Variants in ADGRD1 observed in about 807,000 individuals in gnomAD.
ADGRD1 encodes adhesion G protein-coupled receptor D1.
In ADGRD1, 77 loss-of-function variants were observed where a neutral mutation model predicts 113.4. The ratio of observed to expected loss-of-function variants is 0.68; its 90% CI spans 0.57 to 0.82. The LOEUF (loss-of-function observed/expected upper bound fraction) is 0.82, where lower values mean the gene tolerates loss of function less well. Among genes scored for constraint, ADGRD1 ranks in the 40% least tolerant of loss-of-function variants. The pLI is 0.00. For synonymous variants in ADGRD1, 474 were observed against 475.0 expected (o/e 1.00, Z 0.03); for missense variants, 1,036 against 1,139.1 (o/e 0.91, Z 1.30).
chr12:131,091,762 G>A (rs1384180912), intron 15 of ADGRD1: 1 of 152,260 alleles, frequency 6.6e-6, no homozygotes, highest in Non-Finnish European at 1.5e-5. Context: ...AGAAAGGACT[G>A]TAAACACCAG....
chr12:131,139,395 C>A lies in ADGRD1; in HGVS notation c.*132C>A. ...CATGGGTGTTGTGGCCCCGAGACAG[C>A]TGTCCTCCCCTGTGACTCTGGCTGT... is the stretch of plus-strand genomic sequence containing the variant. On this transcript the variant is annotated 3_prime_UTR_variant, in exon 25 of 25. Coordinates refer to ENST00000261654, the MANE Select transcript of ADGRD1 (RefSeq NM_198827.5). 2 of 649,842 alleles carry A rather than the reference C, an allele frequency of 3.1e-6. No individual in the cohort carries two copies. Among genetic ancestry groups the A allele is most frequent in the Admixed American group, 2.3e-5 (1 of 43,804 alleles). The allele number at this position is 649,842 out of a possible 1,614,324, so 40.3% of individuals were successfully genotyped here. A position where few individuals can be genotyped will look rare whatever the true frequency, so the allele number is the denominator to read the frequency against.
At chr12:131,088,279 T>C (rs1886639373) in intron 15 of ADGRD1, among the ~76,000 whole-genome samples, 1 of 152,182 alleles carries the variant, frequency 6.6e-6, no homozygotes, top group South Asian at 2.1e-4. Context: ...GAGCCTGGGC[T>C]GTTTAGGTAG....
intron 13 of ADGRD1, among the ~76,000 whole-genome samples, chr12:131,063,109 ATTCT>A (rs1399350616): frequency 2.6e-5 from 4 of 152,176 alleles, no homozygotes; most frequent in South Asian, 2.1e-4. Context: ...AATTTTAAGA[ATTCT>A]TTCTATTTTA....
intron 3 of ADGRD1, chr12:130,968,026 T>A (rs932659830): frequency 6.6e-6 from 1 of 152,208 alleles, no homozygotes; most frequent in African/African-American, 2.4e-5. Flanking sequence ...TTTCACCAAG[T>A]GGAAATGCCT....
chr12:131,092,882 CTT>C (rs71451397), intron 15 of ADGRD1, among the ~76,000 whole-genome samples: 14 of 143,528 alleles, frequency 9.8e-5, no homozygotes, highest in Admixed American at 1.4e-4. Flanking sequence ...TTTGGGATTT[CTT>C]TTTTTTTTTT....
At chr12:131,021,289 C>CGG (rs1879285562) in intron 13 of ADGRD1, among the ~76,000 whole-genome samples, 1 of 152,072 alleles carries the variant, frequency 6.6e-6, no homozygotes. Flanking sequence ...GGTCTCATCT[C>CGG]GGCTGGCACA....
chr12:131,046,541 G>A (rs1882818316), intron 13 of ADGRD1, among the ~76,000 whole-genome samples: 12 of 136,464 alleles, frequency 8.8e-5, no homozygotes, highest in African/African-American at 1.2e-4. Context: ...TCCCTGATCA[G>A]TGCCCCCTCC....
intron 17 of ADGRD1, among the ~76,000 whole-genome samples, chr12:131,106,917 T>G (rs1419624502): frequency 6.6e-6 from 1 of 152,120 alleles, no homozygotes; most frequent in African/African-American, 2.4e-5. Flanking sequence ...CAGTGCAGAT[T>G]TTGGTTTAGG....
chr12:131,129,746 C>T (rs1950862710), intron 20 of ADGRD1, among the ~76,000 whole-genome samples: 1 of 152,228 alleles, frequency 6.6e-6, no homozygotes, highest in African/African-American at 2.4e-5. Flanking sequence ...CAAAGGCATG[C>T]ACACTAAAAG....
Position 131,084,465 on chromosome 12 carries a change from G to A in ADGRD1, c.1548-75G>A. On this transcript the variant is annotated intron_variant, in intron 14 of 24. Transcript: ENST00000261654. This position sits in a 1 kb window ranked among gnomAD's most constrained non-coding sequence, Gnocchi z 4.5. Reference sequence around the variant, plus strand: ...GAGTTCACGGGGCCATGTGTTATGGGGGGTGCTGCTCTCAGTCCCCTGCCT... The same window carrying A: ...GAGTTCACGGGGCCATGTGTTATGGAGGGTGCTGCTCTCAGTCCCCTGCCT... The A allele has an allele frequency of 6.5e-7, 1 of 1,540,054 alleles. No homozygotes were observed. The highest frequency in any genetic ancestry group is 8.9e-7 in the Non-Finnish European group (1 of 1,117,478).
intron 13 of ADGRD1, 63 bp downstream of exon 13, chr12:131,014,403 G>A: frequency 7.0e-7 from 1 of 1,435,116 alleles, no homozygotes; most frequent in Non-Finnish European, 9.6e-7. Context: ...GAGGAATGCT[G>A]GGTTGTCTGT....
At chr12:131,004,397 G>T in intron 11 of ADGRD1, 101 bp downstream of exon 11, 1 of 907,992 alleles carries the variant, frequency 1.1e-6, no homozygotes, top group Non-Finnish European at 1.7e-6. Flanking sequence ...AGGGAGCTGC[G>T]GTGCTCCCCC....
intron 13 of ADGRD1, chr12:131,069,818 A>G (rs764472854): frequency 2.0e-5 from 3 of 152,246 alleles, no homozygotes; most frequent in Non-Finnish European, 4.4e-5. Context: ...CAGGCCAAAA[A>G]TAAGCCCTAA....
intron 2 of ADGRD1, among the ~76,000 whole-genome samples, chr12:130,958,226 CTCTT>C (rs1869903794): frequency 8.2e-6 from 1 of 122,484 alleles, no homozygotes; most frequent in Non-Finnish European, 1.6e-5. Context: ...TTGAGACAGA[CTCTT>C]TCTCTGTCGC....
intron 13 of ADGRD1, among the ~76,000 whole-genome samples, chr12:131,015,028 G>C (rs1195922): frequency 0.49 from 74,524 of 152,226 alleles, 20,002 homozygotes; most frequent in East Asian, 0.78. Flanking sequence ...GACACTGAAA[G>C]AGTGAGATTT....
chr12:130,967,493 C>T (rs1043916516), intron 3 of ADGRD1: 1 of 156,360 alleles, frequency 6.4e-6, no homozygotes, highest in Non-Finnish European at 1.4e-5. Context: ...GAGGGTTTAC[C>T]GTACAGCAAT....
rs1224322387 is a variant in ADGRD1 at position 130,966,701 on chromosome 12, G to A, written c.187+155G>A. The A allele has an allele frequency of 2.4e-5, 15 of 632,100 alleles. No individual in the cohort carries two copies. Among genetic ancestry groups the A allele is most frequent in the South Asian group, 3.7e-5 (2 of 54,514 alleles). 39.2% of individuals were successfully genotyped at this position (632,100 alleles called of 1,614,324 possible). On this transcript the variant is annotated intron_variant, in intron 3 of 24. Coordinates refer to ENST00000261654, the MANE Select transcript of ADGRD1 (RefSeq NM_198827.5). This position sits in a 1 kb window ranked among gnomAD's most constrained non-coding sequence, Gnocchi z 4.6. ...TGGGCCGGGGAATCCCAGGGCCATC[G>A]GGGAGCAGATGTGGACACAATCTGC... is the stretch of plus-strand genomic sequence containing the variant.
At chr12:131,037,909 G>A (rs73166620) in intron 13 of ADGRD1, among the ~76,000 whole-genome samples, 3,218 of 140,094 alleles carry the variant, frequency 0.023, 50 homozygotes, top group Non-Finnish European at 0.032. Flanking sequence ...ACCACACCGG[G>A]TCTCACTGCA....
chr12:130,985,360 G>A (rs1873524803), intron 5 of ADGRD1, among the ~76,000 whole-genome samples: 1 of 152,084 alleles, frequency 6.6e-6, no homozygotes, highest in African/African-American at 2.4e-5. Flanking sequence ...ATTTTTAGTT[G>A]TAAGGAAGTC....
Sources: gnomAD v4.1 joint callset for allele counts (sites outside exome capture counted in the v4.1 genomes callset) on GRCh38, gnomAD v4.1.1 for gene constraint, Gnocchi (gnomAD v3.1) non-coding constraint, MANE v1.5 for transcripts, NCBI Gene and HGNC (gene_info 2026-07-23, HGNC 2026-07-21) for gene names.